The following POLQ variants were observed in gnomAD, a reference collection of about 807,000 sequenced individuals.
POLQ encodes DNA polymerase theta.
Under a neutral mutation model 259.2 loss-of-function variants are expected in POLQ, and 233 were observed. The observed-to-expected ratio is 0.90, with a 90% CI of 0.81 to 1.00. POLQ has a LOEUF of 1.00. Ranked by LOEUF, POLQ falls within the 50% of genes least tolerant of loss-of-function variation. The pLI, the probability that POLQ is intolerant of heterozygous loss-of-function variation, is 0.00. For synonymous variants in POLQ, 1,025 were observed against 1,048.8 expected, an observed-to-expected ratio of 0.98 and a Z score of 0.44; for missense variants, 2,871 against 3,051.6, an observed-to-expected ratio of 0.94 and a Z score of 1.39.
At chr3:121,432,669 G>A (rs1325382731) in intron 29 of POLQ, among the ~76,000 whole-genome samples, 1 of 152,226 alleles carries the variant, frequency 6.6e-6, no homozygotes, top group Non-Finnish European at 1.5e-5. Flanking sequence ...CTAAGGGAAA[G>A]ACTCCAAATT....
chr3:121,475,066 T>A (rs2047915299), intron 20 of POLQ, among the ~76,000 whole-genome samples: 1 of 152,224 alleles, frequency 6.6e-6, no homozygotes, highest in African/African-American at 2.4e-5. Context: ...AATACGTTAC[T>A]ATTGACTGTA....
intron 21 of POLQ, 132 bp downstream of exon 21, chr3:121,473,218 A>G (rs541363924): frequency 3.7e-6 from 3 of 820,602 alleles, no homozygotes; most frequent in Non-Finnish European, 5.6e-6. Context: ...CCACAAACCA[A>G]TGTGTTAATT....
Position 121,432,974 on chromosome 3 carries a change from T to G in POLQ, c.7603A>C (p.Ile2535Leu). The change falls in exon 29 of 30, where the codon ATC (isoleucine) becomes CTC (leucine). Residue 2535 changes from isoleucine to leucine, a missense_variant. Ile to Leu is a conservative substitution (Grantham distance 5). Transcript: ENST00000264233. ...AGGAGTTCATCATGGAGTTGAAGGA[T>G]GAAGAAGCCTCCTCTGATTGGGCAG... ...MFCPIRGGFF[I>L]LQLHDELLYE... The G allele has an allele frequency of 1.2e-6, 2 of 1,612,716 alleles. No individual in the cohort carries two copies. The highest frequency in any genetic ancestry group is 1.7e-6 in the Non-Finnish European group (2 of 1,178,742).
In POLQ at chr3:121,449,351, C is replaced by T; in HGVS notation, c.7228G>A (p.Ala2410Thr). The part of the protein sequence containing the change: ...EQMGIKENDA[A>T]CYIDSFKSRY... ...GATTTGAAGGAGTCAATATAGCATGCAGCATCATTTTCTTTAATGCCCATC... is the reference window on the plus strand; with the variant it reads ...GATTTGAAGGAGTCAATATAGCATGTAGCATCATTTTCTTTAATGCCCATC... The change falls in exon 26 of 30, where the codon GCA becomes ACA. Residue 2410 changes from alanine to threonine, a missense_variant. Transcript: ENST00000264233. 1 of 1,593,400 alleles carries T rather than the reference C, an allele frequency of 6.3e-7. No homozygotes were observed. Among genetic ancestry groups the T allele is most frequent in the Non-Finnish European group, 8.6e-7 (1 of 1,161,304 alleles).
At chr3:121,498,109 A>C (rs1016431750) in intron 13 of POLQ, among the ~76,000 whole-genome samples, 15 of 152,192 alleles carry the variant, frequency 9.9e-5, no homozygotes, top group Middle Eastern at 3.4e-3. Context: ...TCAGGAGTTT[A>C]AGACCAGCCT....
chr3:121,470,223 C>T (rs1266813216), intron 22 of POLQ, among the ~76,000 whole-genome samples: 3 of 152,078 alleles, frequency 2.0e-5, no homozygotes, highest in Admixed American at 1.3e-4. Context: ...CACGCCACTG[C>T]ACTCCAGTCT....
chr3:121,491,881 C>A (rs950421066), intron 15 of POLQ, among the ~76,000 whole-genome samples: 2 of 152,078 alleles, frequency 1.3e-5, no homozygotes, highest in South Asian at 4.2e-4. Context: ...GGCAAGGGAG[C>A]ATTGCTGCCT....
chr3:121,529,858 G>A (rs2048398432), intron 6 of POLQ, 66 bp from the exon 7 acceptor site: 2 of 1,260,190 alleles, frequency 1.6e-6, no homozygotes, highest in African/African-American at 1.5e-5. Flanking sequence ...CAGTTTAAAA[G>A]CACTCATTTT....
At chr3:121,492,288 T>C (rs2048074859) in intron 15 of POLQ, among the ~76,000 whole-genome samples, 1 of 152,228 alleles carries the variant, frequency 6.6e-6, no homozygotes, top group Non-Finnish European at 1.5e-5. Flanking sequence ...TAAATACCTA[T>C]AGAATCTGCC....
chr3:121,467,631 A>C lies in POLQ; in HGVS notation c.6855T>G (p.Tyr2285Ter). 6.2e-7 allele frequency: 1 copy of C among 1,613,796 alleles called. No homozygotes were observed. The highest frequency in any genetic ancestry group is 8.5e-7 in the Non-Finnish European group (1 of 1,179,790). ...KGLLPMGRGK[Y>*]KKGFSVNPRC... ...TAGGATTCACGCTGAAACCCTTCTT[A>C]TATTTTCCTCTGTGGTGCAAACAAC... The change falls in exon 24 of 30, where the codon TAT becomes TAG. Residue 2285 changes from tyrosine to a stop codon, truncating the protein, a stop_gained. Coordinates refer to ENST00000264233, the MANE Select transcript of POLQ (RefSeq NM_199420.4). LOFTEE classifies it high-confidence loss of function.
At chr3:121,542,298 G>A (rs1170405169) in intron 2 of POLQ, among the ~76,000 whole-genome samples, 5 of 152,140 alleles carry the variant, frequency 3.3e-5, no homozygotes, top group Admixed American at 2.0e-4. Flanking sequence ...GCTGAGGCCT[G>A]AGAATCACAT....
chr3:121,455,127 T>C (rs2047721871), intron 25 of POLQ, among the ~76,000 whole-genome samples: 1 of 151,270 alleles, frequency 6.6e-6, no homozygotes, highest in African/African-American at 2.4e-5. Context: ...TGCTCCTGAA[T>C]GACTACTGGG....
chr3:121,543,966 G>C (rs1465972046), intron 2 of POLQ, among the ~76,000 whole-genome samples: 1 of 150,044 alleles, frequency 6.7e-6, no homozygotes, highest in Non-Finnish European at 1.5e-5. Context: ...CTGGGCGACA[G>C]AGCAAGACTC....
chr3:121,523,108 T>C (rs995194745), intron 7 of POLQ, among the ~76,000 whole-genome samples: 1 of 152,090 alleles, frequency 6.6e-6, no homozygotes, highest in African/African-American at 2.4e-5. Flanking sequence ...CTTGACCTCC[T>C]GGGCTCAAGC....
At chr3:121,507,132 GCAT>G (rs2048214459) in intron 12 of POLQ, among the ~76,000 whole-genome samples, 1 of 152,154 alleles carries the variant, frequency 6.6e-6, no homozygotes, top group Admixed American at 6.5e-5. Context: ...GGTGGAAAAG[GCAT>G]GGAAGGGATG....
rs2048029682 is a variant in POLQ, at chr3:121,488,121, C to T, written c.4810G>A (p.Gly1604Ser). 6.2e-7 allele frequency: 1 copy of T among 1,613,462 alleles called. No individual in the cohort carries two copies. Among genetic ancestry groups the T allele is most frequent in the Admixed American group, 1.7e-5 (1 of 59,970 alleles). Residue 1604 changes from glycine (G) to serine (S), a missense_variant, in exon 16 of 30, where the codon GGT becomes AGT. Physicochemically the swap from Gly to Ser is moderately conservative, Grantham distance 56. Coordinates refer to ENST00000264233, the MANE Select transcript of POLQ (RefSeq NM_199420.4). ...SDPVLDEHHQ[G>S]DQDGGDQDER... ...TCTTGATCTCCTCCATCTTGATCAC[C>T]TTGGTGGTGCTCATCAAGTACTGGA...
At chr3:121,482,683 G>A (rs1438587051) in intron 18 of POLQ, among the ~76,000 whole-genome samples, 1 of 151,894 alleles carries the variant, frequency 6.6e-6, no homozygotes, top group Non-Finnish European at 1.5e-5. Context: ...AAGACTAGGA[G>A]TCCTGTAGTT....
chr3:121,432,234 G>C lies in POLQ; in HGVS notation c.*70C>G. Reference sequence around the variant, plus strand: ...TTGTTTTGCTGAGGTAGGTGAAAGGGTAATCTCTGTTCTTTCCAGGTGACT... The same window carrying C: ...TTGTTTTGCTGAGGTAGGTGAAAGGCTAATCTCTGTTCTTTCCAGGTGACT... On this transcript the variant is annotated 3_prime_UTR_variant, in exon 30 of 30. Transcript: ENST00000264233. 1 of 1,410,004 alleles carries C rather than the reference G, an allele frequency of 7.1e-7. No individual in the cohort carries two copies. The allele number at this position is 1,410,004 out of a possible 1,614,324, so 87.3% of individuals were successfully genotyped here.
chr3:121,442,793 C>A (rs1163018060), intron 26 of POLQ, among the ~76,000 whole-genome samples: 12 of 152,286 alleles, frequency 7.9e-5, no homozygotes, highest in African/African-American at 2.9e-4. Context: ...GATTTCCTTT[C>A]TTTTGGGTAT....
Sources: allele counts gnomAD v4.1 joint callset (sites outside exome capture counted in the v4.1 genomes callset), GRCh38; gene constraint gnomAD v4.1.1; transcripts MANE v1.5; gene names NCBI Gene and HGNC (gene_info 2026-07-23, HGNC 2026-07-21).